Variants in ABCA10 observed in about 807,000 individuals in gnomAD.
ABCA10 encodes the protein ATP binding cassette subfamily A member 10, also known as ATP-binding cassette sub-family A member 10.
In ABCA10, 169 loss-of-function variants were observed where a neutral mutation model predicts 187.5. The ratio of observed to expected loss-of-function variants is 0.90; its 90% CI spans 0.80 to 1.02. The LOEUF is 1.02. ABCA10 is among the 50% of genes least tolerant of loss of function. ABCA10 has a pLI of 0.00. For missense variants in ABCA10, 1,727 were observed against 1,812.4 expected (o/e 0.95, Z 0.86); for synonymous variants, 574 against 601.8 (o/e 0.95, Z 0.68).
At chr17:69,184,173 C>T (rs2074403092) in intron 20 of ABCA10, among the ~76,000 whole-genome samples, 1 of 152,116 alleles carries the variant, frequency 6.6e-6, no homozygotes, top group Admixed American at 6.5e-5. Flanking sequence ...CGGCCATGCC[C>T]CACAGGAGCT....
At chr17:69,214,650 G>A (rs930972715) in intron 9 of ABCA10, 54 bp downstream of exon 9, 1 of 1,345,498 alleles carries the variant, frequency 7.4e-7, no homozygotes, top group Admixed American at 2.9e-5. Flanking sequence ...ATTAATACAT[G>A]TTTTAAGAAA....
chr17:69,174,979 T>C (rs1166227483), intron 23 of ABCA10, among the ~76,000 whole-genome samples: 2 of 152,182 alleles, frequency 1.3e-5, no homozygotes. Context: ...ATTTTTAAAG[T>C]TAATTTACCC....
chr17:69,210,200 T>TTTTTTTTTTTTTTTTG (rs2074629852), intron 9 of ABCA10, among the ~76,000 whole-genome samples: 1 of 126,540 alleles, frequency 7.9e-6, no homozygotes, highest in African/African-American at 3.5e-5. Flanking sequence ...TTTTTTTTTT[T>TTTTTTTTTTTTTTTTG]GAGACGGAGT....
upstream of ABCA10, among the ~76,000 whole-genome samples, chr17:69,231,646 T>G (rs1161830687): frequency 6.6e-6 from 1 of 152,162 alleles, no homozygotes; most frequent in African/African-American, 2.4e-5. Context: ...GATGTAATTT[T>G]GATTCTTTTA....
chr17:69,224,034 A>G (rs1388072540), intron 3 of ABCA10, among the ~76,000 whole-genome samples: 1 of 152,156 alleles, frequency 6.6e-6, no homozygotes, highest in Admixed American at 6.5e-5. Flanking sequence ...CAGAATCAAC[A>G]CTGTGGTCAG....
Position 69,148,259 on chromosome 17 carries a change from A to C in ABCA10, c.*568T>G, listed in dbSNP as rs2074103233. 6.6e-6 allele frequency: 1 copy of C among 152,254 alleles called. No individual in the cohort carries two copies. Among genetic ancestry groups the C allele is most frequent in the Non-Finnish European group, 1.5e-5 (1 of 68,080 alleles). The allele number at this position is 152,254 out of a possible 1,614,324, so 9.4% of individuals were successfully genotyped here. ...ATATAAGTTGGCTAAAGAAAATATT[A>C]ACTGCGGTACTTTCTTACAGATTAT... On this transcript the variant is annotated 3_prime_UTR_variant, in exon 39 of 39. Coordinates refer to ENST00000690296, the MANE Select transcript of ABCA10 (RefSeq NM_001377321.1).
intron 5 of ABCA10, among the ~76,000 whole-genome samples, chr17:69,221,408 T>A (rs557985379): frequency 1.3e-5 from 2 of 152,260 alleles, no homozygotes; most frequent in South Asian, 4.1e-4. Flanking sequence ...AGGAAGGTCT[T>A]GACCATAAGT....
intron 19 of ABCA10, among the ~76,000 whole-genome samples, chr17:69,186,490 T>C (rs1161588041): frequency 1.3e-5 from 2 of 152,216 alleles, no homozygotes; most frequent in African/African-American, 2.4e-5. Context: ...TCATTCATTA[T>C]AAAATCAACT....
At chr17:69,226,052 A>T (rs541459427) in intron 2 of ABCA10, among the ~76,000 whole-genome samples, 4 of 152,240 alleles carry the variant, frequency 2.6e-5, no homozygotes, top group African/African-American at 9.6e-5. Flanking sequence ...ATTTTGGGGG[A>T]AATTTGGAAA....
rs542849156 is a variant in ABCA10 at position 69,168,407 on chromosome 17, T to C, written c.3163-3324A>G. Among the ~76,000 whole-genome samples the C allele has an allele frequency of 2.6e-5, 4 of 152,260 alleles. 1 individual carries two copies. The highest frequency in any genetic ancestry group is 2.6e-4 in the Admixed American group (4 of 15,280). On this transcript the variant is annotated intron_variant, in intron 25 of 38. Coordinates refer to ENST00000690296, the MANE Select transcript of ABCA10 (RefSeq NM_001377321.1). ...CTCTGATTGCAGAAAATTTGCTTTG[T>C]TCATGGTTATATCCCAAGCAAAGTA...
chr17:69,185,416 T>C, intron 20 of ABCA10, 61 bp downstream of exon 20: 2 of 1,516,504 alleles, frequency 1.3e-6, no homozygotes, highest in South Asian at 2.6e-5. Context: ...CTCTCAGGTA[T>C]GTGCTTTCTA....
rs2074104811 is a variant in ABCA10, at chr17:69,148,491, A to C, written c.*336T>G. 5.7e-6 allele frequency: 1 copy of C among 175,188 alleles called. No homozygotes were observed. 10.9% of individuals were successfully genotyped at this position (175,188 alleles called of 1,614,324 possible). The stretch of plus-strand genomic sequence containing the variant: ...ATTTGAAGTTCAGGCTAAAAACCTC[A>C]TATTTTTATTTGTAAAATGTTCTCA... On this transcript the variant is annotated 3_prime_UTR_variant, in exon 39 of 39. Transcript: ENST00000690296.
In ABCA10 at chr17:69,191,248, C is replaced by T; in HGVS notation, c.1939G>A (p.Ala647Thr). 6.2e-7 allele frequency: 1 copy of T among 1,603,290 alleles called. No homozygotes were observed. The highest frequency in any genetic ancestry group is 2.3e-5 in the East Asian group (1 of 44,426). ...TCTTCACTTTCTGTTGTTAACTTGG[C>T]ATCAGGAATGTGCTGCTTAATAAGG... ...TSLIKQHIPD[A>T]KLTTESEEKL... The change falls in exon 17 of 39, where the codon GCC (alanine) becomes ACC (threonine). Residue 647 changes from alanine to threonine, a missense_variant. Transcript: ENST00000690296.
At chr17:69,166,318 C>T (rs2074254502) in intron 25 of ABCA10, among the ~76,000 whole-genome samples, 1 of 145,156 alleles carries the variant, frequency 6.9e-6, no homozygotes, top group Admixed American at 7.1e-5. Context: ...TCCCAAGAAG[C>T]AGAGAAAAGT....
chr17:69,152,228 T>C, intron 35 of ABCA10, 45 bp from the exon 36 acceptor site: 3 of 1,585,820 alleles, frequency 1.9e-6, no homozygotes, highest in Non-Finnish European at 2.6e-6. Flanking sequence ...TCTTAATTTC[T>C]TCCTCGGTTC....
chr17:69,188,899 G>A (rs968184391), intron 18 of ABCA10, among the ~76,000 whole-genome samples: 4 of 152,064 alleles, frequency 2.6e-5, no homozygotes, highest in African/African-American at 9.7e-5. Flanking sequence ...ATTACATAGT[G>A]TACATGTAAC....
intron 9 of ABCA10, among the ~76,000 whole-genome samples, chr17:69,210,640 C>T (rs1354895667): frequency 2.0e-5 from 3 of 151,922 alleles, no homozygotes; most frequent in South Asian, 4.1e-4. Flanking sequence ...CATAGCTTAG[C>T]TCCCACTTAT....
At chr17:69,164,024 G>T in intron 27 of ABCA10, 50 bp downstream of exon 27, 3 of 1,369,846 alleles carry the variant, frequency 2.2e-6, no homozygotes, top group Non-Finnish European at 2.9e-6. Flanking sequence ...GATTTCACGG[G>T]GCTATGAATC....
In ABCA10 at chr17:69,219,709, T is replaced by C. The variant is rs1411689020; in HGVS notation, c.366A>G (p.Ile122Met). ...TTTCTCCCTTAGAAATGAAAGGTGG[T>C]ATCTTCATATTTATTCCAATAACTG... Reference protein sequence around the residue: ...LTSVIGINMKIPPFISKGEIM... With the variant: ...LTSVIGINMKMPPFISKGEIM... The change falls in exon 6 of 39, where the codon ATA becomes ATG. Residue 122 changes from isoleucine to methionine, a missense_variant. By Grantham distance (10) the Ile-to-Met change is conservative. Coordinates refer to ENST00000690296, the MANE Select transcript of ABCA10 (RefSeq NM_001377321.1). The C allele has an allele frequency of 6.2e-7, 1 of 1,611,196 alleles. No homozygotes were observed. The highest frequency in any genetic ancestry group is 8.5e-7 in the Non-Finnish European group (1 of 1,178,852).
Sources: gnomAD v4.1 joint callset for allele counts (sites outside exome capture counted in the v4.1 genomes callset) on GRCh38, gnomAD v4.1.1 for gene constraint, MANE v1.5 for transcripts, NCBI Gene and HGNC (gene_info 2026-07-23, HGNC 2026-07-21) for gene names.